C2CD5: variants seen among roughly 807,000 people sequenced by gnomAD.
C2CD5 encodes the protein C2 calcium dependent domain containing 5.
Under a neutral mutation model 130.3 loss-of-function variants are expected in C2CD5, and 109 were observed. That is an observed-to-expected ratio of 0.84 (90% CI 0.72 to 0.98). C2CD5 has a LOEUF of 0.98. Ranked by LOEUF, C2CD5 falls within the 50% of genes least tolerant of loss-of-function variation. The probability of loss-of-function intolerance (pLI) is 0.00; values close to 1 mark genes in which losing one functional copy is unlikely to be tolerated. For synonymous variants in C2CD5, 454 were observed against 429.2 expected, an observed-to-expected ratio of 1.06 and a Z score of -0.71; for missense variants, 996 against 1,261.8, an observed-to-expected ratio of 0.79 and a Z score of 3.19.
intron 13 of C2CD5, chr12:22,484,492 A>T (rs1215894617): frequency 1.5e-5 from 6 of 398,292 alleles, no homozygotes; most frequent in Non-Finnish European, 2.2e-5. Context: ...TAAAGTTAAA[A>T]ACTGCTTTTG....
intron 15 of C2CD5, among the ~76,000 whole-genome samples, chr12:22,476,337 C>CA (rs143204193): frequency 1.3e-5 from 2 of 151,228 alleles, no homozygotes; most frequent in Middle Eastern, 3.4e-3. Context: ...CTGACTCTGT[C>CA]AAAAAAAATG....
At chr12:22,461,648 A>G (rs900253320) in intron 22 of C2CD5, among the ~76,000 whole-genome samples, 3 of 152,192 alleles carry the variant, frequency 2.0e-5, no homozygotes, top group Non-Finnish European at 4.4e-5. Context: ...AATGGAGAAG[A>G]GAGCTTTATT....
intron 7 of C2CD5, among the ~76,000 whole-genome samples, chr12:22,520,357 C>T (rs1950164966): frequency 6.6e-6 from 1 of 152,048 alleles, no homozygotes; most frequent in Non-Finnish European, 1.5e-5. Context: ...AGGAACATTC[C>T]CCAATTCACA....
At chr12:22,474,375 T>C (rs1943521789) in intron 16 of C2CD5, among the ~76,000 whole-genome samples, 1 of 152,180 alleles carries the variant, frequency 6.6e-6, no homozygotes. Context: ...TTCACAGTGA[T>C]TATACTAAAA....
At chr12:22,544,224 G>C in intron 1 of C2CD5, 45 bp from the exon 2 acceptor site, 1 of 1,495,906 alleles carries the variant, frequency 6.7e-7, no homozygotes, top group Non-Finnish European at 9.2e-7. Flanking sequence ...CGGGGCCGGC[G>C]GGAGAGGGGC....
At chr12:22,538,477 G>A (rs958033020) in intron 2 of C2CD5, among the ~76,000 whole-genome samples, 1 of 152,174 alleles carries the variant, frequency 6.6e-6, no homozygotes, top group Non-Finnish European at 1.5e-5. Flanking sequence ...ACACACTGGA[G>A]AGTAGTCTTA....
chr12:22,509,732 C>T (rs1565758202), intron 9 of C2CD5, among the ~76,000 whole-genome samples: 1 of 152,244 alleles, frequency 6.6e-6, no homozygotes, highest in East Asian at 1.9e-4. Flanking sequence ...TATAACCTTT[C>T]CCATATGAGG....
chr12:22,493,700 C>T lies in C2CD5; in HGVS notation c.1148-363G>A, dbSNP rs79936340. Among the ~76,000 whole-genome samples the T allele has an allele frequency of 4.4e-3, 676 of 152,040 alleles. 11 individuals are homozygous for T. The East Asian group carries it at 0.05, about 11-fold the overall frequency. On this transcript the variant is annotated intron_variant, in intron 10 of 26. Transcript: ENST00000446597. ...TCTACATCTCACCTCACTGAGTGAA[C>T]ACCTTATGTGTTATATCCATAAATT... is the stretch of plus-strand genomic sequence containing the variant.
Position 22,513,286 on chromosome 12 carries a change from A to C in C2CD5, c.1038+8T>G. Reference sequence around the variant, plus strand: ...GTGTAAGAACAAAGAATATCAAGTGAATCTTACCCTCTGTTCCAACGCTGA... The same window carrying C: ...GTGTAAGAACAAAGAATATCAAGTGCATCTTACCCTCTGTTCCAACGCTGA... On this transcript the variant is annotated splice_region_variant and intron_variant, in intron 9 of 26. Transcript: ENST00000446597. The C allele has an allele frequency of 6.3e-7, 1 of 1,575,940 alleles. No individual in the cohort carries two copies.
intron 22 of C2CD5, 71 bp downstream of exon 22, chr12:22,469,638 C>G: frequency 2.4e-6 from 2 of 833,392 alleles, no homozygotes; most frequent in Middle Eastern, 2.3e-4. Flanking sequence ...GTAAGATTTC[C>G]TATAATGAAG....
At chr12:22,504,588 G>C (rs985333108) in intron 10 of C2CD5, among the ~76,000 whole-genome samples, 1 of 152,152 alleles carries the variant, frequency 6.6e-6, no homozygotes, top group Non-Finnish European at 1.5e-5. Flanking sequence ...GATTACAGGC[G>C]TGAGCCTCCG....
chr12:22,459,895 G>C (rs1323743717), intron 22 of C2CD5, among the ~76,000 whole-genome samples: 4 of 152,186 alleles, frequency 2.6e-5, no homozygotes, highest in African/African-American at 9.6e-5. Flanking sequence ...GTGTTGGGAA[G>C]AATATCTGAA....
chr12:22,535,282 C>T lies in C2CD5; in HGVS notation c.153G>A (p.Trp51Ter), dbSNP rs1166791474. Residue 51 changes from tryptophan (W) to a stop codon, truncating the protein, a stop_gained, in exon 3 of 27, where the codon TGG becomes TGA. Transcript: ENST00000446597. LOFTEE classifies it high-confidence loss of function. ...DVYLKSLNPQ[W>*]NSEWFKFEVD... ...CCTCAAATTTAAACCACTCCGAGTT[C>T]CACTGAGGGTTGAGTGACTTAAGGT... The T allele has an allele frequency of 6.2e-7, 1 of 1,605,880 alleles. No individual in the cohort carries two copies. The highest frequency in any genetic ancestry group is 8.5e-7 in the Non-Finnish European group (1 of 1,173,452).
At chr12:22,527,504 G>C (rs1159903006) in intron 4 of C2CD5, among the ~76,000 whole-genome samples, 8 of 151,508 alleles carry the variant, frequency 5.3e-5, no homozygotes, top group Admixed American at 5.3e-4. Flanking sequence ...TTTTAGTAGA[G>C]ACGGGGTTTC....
At chr12:22,488,503 T>A (rs1477575715) in intron 12 of C2CD5, among the ~76,000 whole-genome samples, 2 of 152,142 alleles carry the variant, frequency 1.3e-5, no homozygotes, top group East Asian at 3.9e-4. Context: ...TTTATTGTAT[T>A]CGTCCAAGCC....
At chr12:22,460,461 T>A (rs1028621839) in intron 22 of C2CD5, 4 of 151,836 alleles carry the variant, frequency 2.6e-5, no homozygotes, top group African/African-American at 7.3e-5. Context: ...GATTTTTTGG[T>A]AACATTCTTA....
chr12:22,459,561 C>T lies in C2CD5; in HGVS notation c.2534-19G>A, dbSNP rs1190466289. ...AGGTGTTCTAATAAGACAATATGAA[C>T]AACATTAGCTCAGATGCTAAGTACA... On this transcript the variant is annotated intron_variant, in intron 22 of 26. Transcript: ENST00000446597. 4 of 1,488,898 alleles carry T rather than the reference C, an allele frequency of 2.7e-6. No homozygotes were observed. The highest frequency in any genetic ancestry group is 3.6e-6 in the Non-Finnish European group (4 of 1,104,250). The allele number at this position is 1,488,898 out of a possible 1,614,324, so 92.2% of individuals were successfully genotyped here.
At chr12:22,468,510 G>T (rs1304814442) in intron 22 of C2CD5, among the ~76,000 whole-genome samples, 5 of 152,148 alleles carry the variant, frequency 3.3e-5, no homozygotes, top group Non-Finnish European at 7.4e-5. Context: ...GAGCCAACAG[G>T]CCCGGCCCAA....
intron 8 of C2CD5, among the ~76,000 whole-genome samples, chr12:22,516,698 T>C (rs1949755876): frequency 6.6e-6 from 1 of 151,554 alleles, no homozygotes; most frequent in South Asian, 2.1e-4. Flanking sequence ...ATGCAGTCTG[T>C]GGACCAAAGT....
Sources: allele counts gnomAD v4.1 joint callset (sites outside exome capture counted in the v4.1 genomes callset), GRCh38; gene constraint gnomAD v4.1.1; transcripts MANE v1.5; gene names NCBI Gene and HGNC (gene_info 2026-07-23, HGNC 2026-07-21).